The following CHST8 variants were observed in gnomAD, a reference collection of about 807,000 sequenced individuals.
The protein encoded by CHST8 is GALNAC-4-ST1.
CHST8 carries 10 observed loss-of-function variants against 15.0 expected under a neutral mutation model. The observed-to-expected ratio is 0.67, with a 90% CI of 0.41 to 1.13. CHST8 has a LOEUF of 1.13. CHST8 is among the 50% of genes most tolerant of loss of function. CHST8 has a pLI of 0.00. For missense variants in CHST8, 634 were observed against 608.2 expected (o/e 1.04, Z -0.45); for synonymous variants, 259 against 256.6 (o/e 1.01, Z -0.09).
rs1028313744 is a variant in CHST8 at position 33,688,796 on chromosome 19, A to C, written c.-86-380A>C. 2.0e-5 allele frequency among the ~76,000 whole-genome samples: 3 copies of C among 152,278 alleles called. No homozygotes were observed. The South Asian group carries it at 6.2e-4, about 32-fold the overall frequency. On this transcript the variant is annotated intron_variant, in intron 2 of 4. Coordinates refer to ENST00000650847, the MANE Select transcript of CHST8 (RefSeq NM_001127895.2). ...AGGGACAAGGACCCAGGTTCCCGCC[A>C]GTACCTAGGCCCCCGCCCTGGGAGC...
At chr19:33,704,684 C>A (rs867365058) in intron 3 of CHST8, among the ~76,000 whole-genome samples, 3 of 152,076 alleles carry the variant, frequency 2.0e-5, no homozygotes, top group Admixed American at 6.6e-5. Flanking sequence ...CCGAAGCAGG[C>A]GGATCACTTG....
In CHST8 at chr19:33,772,099, G is replaced by A. The variant is rs753922446; in HGVS notation, c.311G>A (p.Arg104His). 1.6e-5 allele frequency: 25 copies of A among 1,611,706 alleles called. No homozygotes were observed. The highest frequency in any genetic ancestry group is 1.9e-5 in the Non-Finnish European group (23 of 1,179,514). ...CAACCCCCGCTGCAGAGGGGAACCC[G>A]TCTGCGGCTCCGCCAGCGCCGTCGC... The part of the protein sequence containing the change: ...QPQPPLQRGT[R>H]LRLRQRRRRL... Residue 104 changes from arginine (R) to histidine (H), a missense_variant, in exon 5 of 5, where the codon CGT becomes CAT. Coordinates refer to ENST00000650847, the MANE Select transcript of CHST8 (RefSeq NM_001127895.2).
At position 33,654,160 on chromosome 19, in the gene CHST8, A is replaced by G. The variant is rs542390715; in HGVS notation, c.-163-13607A>G. ...ATGAGTTTTTAATTTTAATCACTAT[A>G]TTTTTCATCTCTTGGAATTCTACGG... On this transcript the variant is annotated intron_variant, in intron 1 of 4. Coordinates refer to ENST00000650847, the MANE Select transcript of CHST8 (RefSeq NM_001127895.2). 2.0e-5 allele frequency among the ~76,000 whole-genome samples: 3 copies of G among 152,158 alleles called. No individual in the cohort carries two copies. In the South Asian group the frequency reaches 6.2e-4, roughly 32 times the overall value.
At chr19:33,651,118 C>A (rs769469834) in intron 1 of CHST8, among the ~76,000 whole-genome samples, 14 of 152,124 alleles carry the variant, frequency 9.2e-5, no homozygotes, top group Admixed American at 2.0e-4. Context: ...AATCCAATTT[C>A]TCTTATTTTT....
intron 2 of CHST8, among the ~76,000 whole-genome samples, chr19:33,670,532 G>A (rs547729308): frequency 3.3e-5 from 5 of 152,308 alleles, no homozygotes; most frequent in African/African-American, 9.6e-5. Flanking sequence ...CAGGGCCAGC[G>A]CTGGCTGCAG....
chr19:33,651,784 AT>A, intron 1 of CHST8, among the ~76,000 whole-genome samples: 1 of 152,238 alleles, frequency 6.6e-6, no homozygotes, highest in African/African-American at 2.4e-5. Context: ...TGATTATTTA[AT>A]TTTAGTGGAG....
chr19:33,687,308 A>AGAG (rs1222261201), intron 2 of CHST8, among the ~76,000 whole-genome samples: 6 of 152,184 alleles, frequency 3.9e-5, no homozygotes, highest in African/African-American at 1.4e-4. Flanking sequence ...GCAGCCATGG[A>AGAG]GAGAGAGGCC....
chr19:33,764,663 A>T (rs76913152), intron 3 of CHST8, among the ~76,000 whole-genome samples: 5,532 of 152,228 alleles, frequency 0.036, 312 homozygotes, highest in African/African-American at 0.13. Context: ...CGATGTAATC[A>T]AGTTAGGCCA....
At chr19:33,627,983 A>G (rs998610417) in intron 1 of CHST8, among the ~76,000 whole-genome samples, 3 of 152,204 alleles carry the variant, frequency 2.0e-5, no homozygotes, top group Non-Finnish European at 2.9e-5. Context: ...TGTGATAAGG[A>G]TATAAAGAAT....
At chr19:33,681,978 C>G (rs1972897287) in intron 2 of CHST8, among the ~76,000 whole-genome samples, 1 of 151,816 alleles carries the variant, frequency 6.6e-6, no homozygotes, top group Non-Finnish European at 1.5e-5. Flanking sequence ...GCCTCAGCCT[C>G]CCGAGTAGCT....
At chr19:33,684,494 C>G (rs112226950) in intron 2 of CHST8, 1 of 152,394 alleles carries the variant, frequency 6.6e-6, no homozygotes, top group Non-Finnish European at 1.5e-5. Context: ...CCTTGCAGAG[C>G]ATTGCAACTT....
intron 1 of CHST8, among the ~76,000 whole-genome samples, chr19:33,653,861 G>A (rs1421074315): frequency 6.6e-6 from 1 of 152,172 alleles, no homozygotes; most frequent in African/African-American, 2.4e-5. Context: ...ATGTTCTCTT[G>A]AGTGCCCTAG....
Position 33,676,595 on chromosome 19 carries a change from C to T in CHST8, c.-87+8752C>T, listed in dbSNP as rs189144154. ...AATATAATAATAATAATAATTTTTG[C>T]CCCGGTGTGATGGCTTACGCCTGTC... On this transcript the variant is annotated intron_variant, in intron 2 of 4. Transcript: ENST00000650847. Among the ~76,000 whole-genome samples, 5 of 151,048 alleles carry T rather than the reference C, an allele frequency of 3.3e-5. No individual in the cohort carries two copies. The East Asian group carries it at 9.8e-4, about 30-fold the overall frequency.
chr19:33,633,689 T>C (rs1370123144), intron 1 of CHST8, among the ~76,000 whole-genome samples: 1 of 151,104 alleles, frequency 6.6e-6, no homozygotes, highest in Admixed American at 6.6e-5. Flanking sequence ...TGTGTCATCA[T>C]GTCCAGTTCC....
chr19:33,760,852 G>A (rs1460881461), intron 3 of CHST8, among the ~76,000 whole-genome samples: 1 of 152,182 alleles, frequency 6.6e-6, no homozygotes, highest in Non-Finnish European at 1.5e-5. Flanking sequence ...TGGAGTTGCT[G>A]GCCAGTGCCT....
chr19:33,683,437 C>G (rs908445245), intron 2 of CHST8, among the ~76,000 whole-genome samples: 1 of 152,110 alleles, frequency 6.6e-6, no homozygotes, highest in Non-Finnish European at 1.5e-5. Context: ...GCGAGCGGGC[C>G]TCGGGTATTT....
chr19:33,635,655 C>T (rs1972185199), intron 1 of CHST8, among the ~76,000 whole-genome samples: 2 of 152,080 alleles, frequency 1.3e-5, no homozygotes, highest in South Asian at 4.1e-4. Context: ...GAGCTCCGTC[C>T]CTGAGGGCCA....
chr19:33,719,591 G>T (rs766173720), intron 3 of CHST8, among the ~76,000 whole-genome samples: 1 of 151,986 alleles, frequency 6.6e-6, no homozygotes, highest in Non-Finnish European at 1.5e-5. Flanking sequence ...CACCTAGGGA[G>T]ACTGGACTGC....
chr19:33,717,215 C>T (rs888021115), intron 3 of CHST8, among the ~76,000 whole-genome samples: 12 of 152,168 alleles, frequency 7.9e-5, no homozygotes, highest in African/African-American at 2.7e-4. Flanking sequence ...AATCCCAGCA[C>T]TTTGGGAGGC....
Sources: allele counts gnomAD v4.1 joint callset (sites outside exome capture counted in the v4.1 genomes callset), GRCh38; gene constraint gnomAD v4.1.1; transcripts MANE v1.5; gene names NCBI Gene and HGNC (gene_info 2026-07-23, HGNC 2026-07-21).